Variants in AFDN observed in about 807,000 individuals in gnomAD.
AFDN encodes afadin.
Under a neutral mutation model 216.6 loss-of-function variants are expected in AFDN, and 68 were observed. The ratio of observed to expected loss-of-function variants is 0.31; its 90% CI spans 0.26 to 0.38. The LOEUF (loss-of-function observed/expected upper bound fraction) is 0.38, where lower values mean the gene tolerates loss of function less well. AFDN is among the 10% of genes least tolerant of loss of function. The pLI is 1.00. For missense variants in AFDN, 2,136 were observed against 2,342.0 expected (o/e 0.91, Z 1.82); for synonymous variants, 868 against 853.7 (o/e 1.02, Z -0.29).
At chr6:167,911,785 T>G (rs1362849988) in intron 15 of AFDN, 1 of 396,518 alleles carries the variant, frequency 2.5e-6, no homozygotes, top group Non-Finnish European at 4.7e-6. Context: ...TGTAAATAAT[T>G]TGTTGAGATG....
rs1216882952 is a variant in AFDN, at chr6:167,969,779, C to T, written c.5343-3C>T. Reference sequence around the variant, plus strand: ...TAATCTTTGATATTGCCCTCTTCTGCAGCCAAGATGCAGATTCACCTGGAA... The same window carrying T: ...TAATCTTTGATATTGCCCTCTTCTGTAGCCAAGATGCAGATTCACCTGGAA... On this transcript the variant is annotated splice_polypyrimidine_tract_variant and splice_region_variant and intron_variant, in intron 33 of 33. Coordinates refer to ENST00000683244, the MANE Select transcript of AFDN (RefSeq NM_001386888.1). The T allele has an allele frequency of 4.4e-6, 7 of 1,604,164 alleles. No individual in the cohort carries two copies. The highest frequency in any genetic ancestry group is 2.7e-5 in the African/African-American group (2 of 74,042).
chr6:167,921,210 C>G (rs1461918391), intron 21 of AFDN, among the ~76,000 whole-genome samples: 1 of 152,232 alleles, frequency 6.6e-6, no homozygotes, highest in Non-Finnish European at 1.5e-5. Context: ...TCACATGTGC[C>G]ATAGGGCGGA....
intron 23 of AFDN, among the ~76,000 whole-genome samples, chr6:167,939,056 A>T (rs73034977): frequency 0.02 from 2,989 of 152,216 alleles, 54 homozygotes; most frequent in Non-Finnish European, 0.033. Flanking sequence ...GGTCTGTATT[A>T]ATTGTGATCA....
intron 1 of AFDN, among the ~76,000 whole-genome samples, chr6:167,852,605 C>T (rs928978139): frequency 6.6e-6 from 1 of 152,070 alleles, no homozygotes; most frequent in Non-Finnish European, 1.5e-5. Flanking sequence ...TACAAAATGG[C>T]GTTTTTCTAA....
intron 27 of AFDN, among the ~76,000 whole-genome samples, chr6:167,947,494 T>C (rs1395822129): frequency 6.6e-6 from 1 of 152,198 alleles, no homozygotes; most frequent in African/African-American, 2.4e-5. Context: ...TTTTTACATT[T>C]TTAAAGGGTT....
chr6:167,956,957 C>G (rs1413974329), intron 30 of AFDN, among the ~76,000 whole-genome samples: 1 of 152,218 alleles, frequency 6.6e-6, no homozygotes, highest in Non-Finnish European at 1.5e-5. Context: ...GTCCTCACAG[C>G]CCTCCTAAGT....
At chr6:167,949,413 G>A (rs989533766) in intron 29 of AFDN, among the ~76,000 whole-genome samples, 3 of 152,164 alleles carry the variant, frequency 2.0e-5, no homozygotes, top group African/African-American at 7.2e-5. Context: ...TGAGGAGATG[G>A]ACGCTGTGAT....
chr6:167,968,618 T>C (rs1797788394), intron 32 of AFDN: 1 of 156,418 alleles, frequency 6.4e-6, no homozygotes, highest in Admixed American at 6.1e-5. Context: ...CTACAATTAA[T>C]AGAAATACAT....
At chr6:167,916,820 GT>G (rs988048749) in intron 19 of AFDN, among the ~76,000 whole-genome samples, 2 of 152,256 alleles carry the variant, frequency 1.3e-5, no homozygotes, top group Non-Finnish European at 2.9e-5. Context: ...TTGGAAGAGA[GT>G]TTTTAAAATG....
chr6:167,861,184 G>A (rs1170680270), intron 1 of AFDN, among the ~76,000 whole-genome samples: 3 of 152,102 alleles, frequency 2.0e-5, no homozygotes, highest in African/African-American at 7.2e-5. Context: ...AGATTCTGTG[G>A]AATTATTCAC....
chr6:167,889,152 T>C, intron 6 of AFDN, 63 bp from the exon 7 acceptor site: 1 of 1,088,170 alleles, frequency 9.2e-7, no homozygotes, highest in Middle Eastern at 2.6e-4. Context: ...AATGTGTTCT[T>C]TTAAGTACTT....
chr6:167,882,179 A>G (rs1786197894), intron 6 of AFDN, among the ~76,000 whole-genome samples: 1 of 152,146 alleles, frequency 6.6e-6, no homozygotes, highest in Non-Finnish European at 1.5e-5. Context: ...AATGCTGGAA[A>G]AAGAAACAGA....
chr6:167,891,468 C>T (rs1294063892), intron 8 of AFDN, among the ~76,000 whole-genome samples: 1 of 143,092 alleles, frequency 7.0e-6, no homozygotes, highest in Non-Finnish European at 1.5e-5. Context: ...GTTTCTGATG[C>T]ATGGACAGTG....
At chr6:167,954,416 A>G (rs773355330) in intron 30 of AFDN, 7 of 1,539,096 alleles carry the variant, frequency 4.5e-6, no homozygotes, top group African/African-American at 2.8e-5. Flanking sequence ...TTTTTTCCAC[A>G]CTTCATCTTT....
chr6:167,964,613 T>C, intron 31 of AFDN: 1 of 1,045,122 alleles, frequency 9.6e-7, no homozygotes, highest in South Asian at 4.8e-5. Context: ...GCGTATTCAC[T>C]CTGTGTGTGT....
At chr6:167,899,796 T>C (rs1019323580) in intron 11 of AFDN, among the ~76,000 whole-genome samples, 3 of 152,246 alleles carry the variant, frequency 2.0e-5, no homozygotes, top group Non-Finnish European at 2.9e-5. Context: ...ATTGCCCTTA[T>C]ATACAAATGC....
intron 1 of AFDN, among the ~76,000 whole-genome samples, chr6:167,847,865 T>G (rs957195779): frequency 6.6e-6 from 1 of 151,900 alleles, no homozygotes; most frequent in Non-Finnish European, 1.5e-5. Flanking sequence ...ACTCCCCAAT[T>G]TTTTTTTAAT....
intron 23 of AFDN, among the ~76,000 whole-genome samples, chr6:167,927,884 G>A (rs1297466727): frequency 6.6e-6 from 1 of 152,168 alleles, no homozygotes; most frequent in Non-Finnish European, 1.5e-5. Context: ...TTTGCTTACC[G>A]ACTGAGTCAA....
At chr6:167,964,015 G>A in intron 31 of AFDN, 1 of 1,064,398 alleles carries the variant, frequency 9.4e-7, no homozygotes, top group Non-Finnish European at 1.1e-6. Context: ...GGCGGGGGCA[G>A]CTGGGTTGTC....
Sources: allele counts gnomAD v4.1 joint callset (sites outside exome capture counted in the v4.1 genomes callset), GRCh38; gene constraint gnomAD v4.1.1; transcripts MANE v1.5; gene names NCBI Gene and HGNC (gene_info 2026-07-23, HGNC 2026-07-21).